Variants in LATS2 observed in about 807,000 individuals in gnomAD.
The protein encoded by LATS2 is large tumor suppressor kinase 2.
LATS2 carries 24 observed loss-of-function variants against 76.0 expected under a neutral mutation model. That is an observed-to-expected ratio of 0.32 (90% CI 0.23 to 0.44). LATS2 has a LOEUF of 0.44. Ranked by LOEUF, LATS2 falls within the 20% of genes least tolerant of loss-of-function variation. LATS2 has a pLI of 1.00. For missense variants in LATS2, 1,286 were observed against 1,481.2 expected (o/e 0.87, Z 2.16); for synonymous variants, 692 against 635.4 (o/e 1.09, Z -1.34).
At position 21,045,668 on chromosome 13, in the gene LATS2, CAG is replaced by C; in HGVS notation, c.342+15_342+16del. The C allele has an allele frequency of 6.2e-7, 1 of 1,600,238 alleles. No homozygotes were observed. On this transcript the variant is annotated intron_variant, in intron 2 of 7. Coordinates refer to ENST00000382592, the MANE Select transcript of LATS2 (RefSeq NM_014572.3). ...ATAGCTGCCTCTGCACATGGCCCTGCAGAGGTCTGTACCCACCTGGTCGCATC... is the reference window on the plus strand; with the variant it reads ...ATAGCTGCCTCTGCACATGGCCCTGCAGGTCTGTACCCACCTGGTCGCATC...
Position 20,974,855 on chromosome 13 carries a change from G to C in LATS2, c.*15C>G. On this transcript the variant is annotated 3_prime_UTR_variant, in exon 8 of 8. Coordinates refer to ENST00000382592, the MANE Select transcript of LATS2 (RefSeq NM_014572.3). ...ACCTGGGAGGCAGCGAGTGGTGGGGGTGCCTGGCCCCCATCTACACGTACA... is the reference window on the plus strand; with the variant it reads ...ACCTGGGAGGCAGCGAGTGGTGGGGCTGCCTGGCCCCCATCTACACGTACA... 6.3e-7 allele frequency: 1 copy of C among 1,588,574 alleles called. No individual in the cohort carries two copies.
At chr13:21,059,368 C>T (rs1031829239) in intron 1 of LATS2, among the ~76,000 whole-genome samples, 1 of 151,934 alleles carries the variant, frequency 6.6e-6, no homozygotes, top group Non-Finnish European at 1.5e-5. Context: ...GAGGCTGAGG[C>T]GGGCGGATCA....
At chr13:21,035,573 T>C (rs1360306488) in intron 2 of LATS2, among the ~76,000 whole-genome samples, 1 of 151,990 alleles carries the variant, frequency 6.6e-6, no homozygotes, top group Non-Finnish European at 1.5e-5. Flanking sequence ...GTACATGAGT[T>C]CCCGCCTAGA....
At chr13:20,989,756 T>C (rs1870427173) in intron 3 of LATS2, among the ~76,000 whole-genome samples, 1 of 152,184 alleles carries the variant, frequency 6.6e-6, no homozygotes, top group South Asian at 2.1e-4. Flanking sequence ...CAGAACTGTA[T>C]CCACTGTGCA....
Position 20,973,710 on chromosome 13 carries a change from C to G in LATS2, c.*1160G>C, listed in dbSNP as rs1446543921. ...AAAGAACAAAAAAAAAGTGAGAGAACCATTAGATCACTCAGTTTCCTGACA... is the reference window on the plus strand; with the variant it reads ...AAAGAACAAAAAAAAAGTGAGAGAAGCATTAGATCACTCAGTTTCCTGACA... On this transcript the variant is annotated 3_prime_UTR_variant, in exon 8 of 8. Transcript: ENST00000382592. 4.3e-6 allele frequency: 1 copy of G among 230,126 alleles called. No homozygotes were observed. Among genetic ancestry groups the G allele is most frequent in the Non-Finnish European group, 8.6e-6 (1 of 116,042 alleles). The allele number at this position is 230,126 out of a possible 1,614,324, so 14.3% of individuals were successfully genotyped here.
At chr13:21,041,019 C>T (rs900328524) in intron 2 of LATS2, among the ~76,000 whole-genome samples, 7 of 151,880 alleles carry the variant, frequency 4.6e-5, no homozygotes, top group African/African-American at 1.5e-4. Flanking sequence ...GTCGCCCAGG[C>T]TGGAGTACAG....
At position 21,011,251 on chromosome 13, in the gene LATS2, G is replaced by T. The variant is rs546411694; in HGVS notation, c.343-19847C>A. On this transcript the variant is annotated intron_variant, in intron 2 of 7. Transcript: ENST00000382592. ...CCTCACTTGTCCTGAATCAAAAACTGAAACTAGCTACTAAAGAAGGTGAGT... is the reference window on the plus strand; with the variant it reads ...CCTCACTTGTCCTGAATCAAAAACTTAAACTAGCTACTAAAGAAGGTGAGT... 2.0e-5 allele frequency among the ~76,000 whole-genome samples: 3 copies of T among 152,282 alleles called. No homozygotes were observed. In the South Asian group the frequency reaches 6.2e-4, roughly 32 times the overall value.
rs1555225438 is a variant in LATS2 at position 21,007,571 on chromosome 13, A to ATATAG, written c.343-16168_343-16167insCTATA. ...TATATATATATATATATATATATAT[A>ATATAG]TATATATATATATATAGTATATATA... On this transcript the variant is annotated intron_variant, in intron 2 of 7. Transcript: ENST00000382592. 1.6e-4 allele frequency among the ~76,000 whole-genome samples: 3 copies of ATATAG among 18,510 alleles called. No individual in the cohort carries two copies. The African/African-American group carries it at 1.9e-3, about 12-fold the overall frequency. The allele number at this position is 18,510 out of a possible 152,430, so 12.1% of individuals were successfully genotyped here.
At chr13:21,053,961 G>T (rs534650981) in intron 1 of LATS2, among the ~76,000 whole-genome samples, 2 of 152,268 alleles carry the variant, frequency 1.3e-5, no homozygotes, top group African/African-American at 4.8e-5. Flanking sequence ...TTGGGATGAT[G>T]AAAAAGTCTT....
At chr13:21,048,611 C>T (rs911095897) in intron 1 of LATS2, among the ~76,000 whole-genome samples, 1 of 152,086 alleles carries the variant, frequency 6.6e-6, no homozygotes, top group Non-Finnish European at 1.5e-5. Context: ...GCGGGCGGAT[C>T]ATCTGAGGTC....
intron 7 of LATS2, among the ~76,000 whole-genome samples, chr13:20,978,599 T>C (rs947611517): frequency 6.6e-6 from 1 of 152,126 alleles, no homozygotes; most frequent in Non-Finnish European, 1.5e-5. Context: ...CAACACAGTT[T>C]GAGGGTCACT....
Position 20,991,350 on chromosome 13 carries a change from G to A in LATS2, c.397C>T (p.Leu133=). ...TAGCCCATCTTGCTGATGTACTCCA[G>A]GGCGGCCTCGATGCTCCTGCTGCCA... ...QTGSRSIEAA[L]EYISKMGYLD... Residue 133 remains leucine (L), a synonymous_variant, in exon 3 of 8, where the codon CTG becomes TTG. Coordinates refer to ENST00000382592, the MANE Select transcript of LATS2 (RefSeq NM_014572.3). The surrounding 1 kb of genome is among the most constrained non-coding windows in gnomAD (Gnocchi z 4.9). 1.9e-6 allele frequency: 3 copies of A among 1,614,180 alleles called. No homozygotes were observed. The highest frequency in any genetic ancestry group is 2.5e-6 in the Non-Finnish European group (3 of 1,180,036).
At chr13:20,980,295 C>T (rs1355424453) in intron 6 of LATS2, among the ~76,000 whole-genome samples, 1 of 152,200 alleles carries the variant, frequency 6.6e-6, no homozygotes, top group African/African-American at 2.4e-5. Context: ...TTGTGTGAGG[C>T]CCCTACGGAG....
intron 2 of LATS2, among the ~76,000 whole-genome samples, chr13:21,013,939 C>T (rs1227213828): frequency 1.3e-5 from 2 of 151,614 alleles, no homozygotes; most frequent in South Asian, 2.1e-4. Flanking sequence ...CCACTGTACT[C>T]CAGCCTGGGC....
intron 1 of LATS2, among the ~76,000 whole-genome samples, chr13:21,056,599 A>C (rs1025922447): frequency 6.6e-6 from 1 of 152,196 alleles, no homozygotes; most frequent in South Asian, 2.1e-4. Context: ...TTCATAGCCC[A>C]GCAGGGGTTC....
chr13:20,994,854 C>CAAA (rs34133833), intron 2 of LATS2, among the ~76,000 whole-genome samples: 7,286 of 144,294 alleles, frequency 0.05, 215 homozygotes, highest in East Asian at 0.06. Flanking sequence ...GAATGTGTCT[C>CAAA]AAAAAAAAAA....
At chr13:21,039,842 G>C (rs917114945) in intron 2 of LATS2, among the ~76,000 whole-genome samples, 1 of 152,148 alleles carries the variant, frequency 6.6e-6, no homozygotes, top group Non-Finnish European at 1.5e-5. Flanking sequence ...GGAAGCTGAG[G>C]GTGAGTGGAT....
intron 2 of LATS2, among the ~76,000 whole-genome samples, chr13:21,042,424 G>A (rs961399319): frequency 2.6e-5 from 4 of 152,152 alleles, no homozygotes; most frequent in African/African-American, 7.2e-5. Context: ...GGCTGGGTGT[G>A]GTGGCTTGAA....
At chr13:21,061,319 C>G (rs1342121137) in intron 1 of LATS2, 27 bp downstream of exon 1, 1 of 152,410 alleles carries the variant, frequency 6.6e-6, no homozygotes, top group Non-Finnish European at 1.5e-5. Flanking sequence ...GAGCTGCCGC[C>G]CCGACCCCAG....
Sources: gnomAD v4.1 joint callset for allele counts (sites outside exome capture counted in the v4.1 genomes callset) on GRCh38, gnomAD v4.1.1 for gene constraint, Gnocchi (gnomAD v3.1) non-coding constraint, MANE v1.5 for transcripts, NCBI Gene and HGNC (gene_info 2026-07-23, HGNC 2026-07-21) for gene names.